The following CFAP251 variants were observed in gnomAD, a reference collection of about 807,000 sequenced individuals.
CFAP251 encodes the protein cilia and flagella associated protein 251, also known as cilia- and flagella-associated protein 251.
CFAP251 carries 93 observed loss-of-function variants against 126.7 expected under a neutral mutation model. The ratio of observed to expected loss-of-function variants is 0.73; its 90% CI spans 0.62 to 0.87. CFAP251 has a LOEUF of 0.87. Ranked by LOEUF, CFAP251 falls within the 40% of genes least tolerant of loss-of-function variation. The pLI is 0.00. For synonymous variants in CFAP251, 503 were observed against 506.9 expected (o/e 0.99, Z 0.10); for missense variants, 1,287 against 1,389.2 (o/e 0.93, Z 1.17).
At chr12:121,957,618 G>GGTGT (rs972209106) in intron 11 of CFAP251, among the ~76,000 whole-genome samples, 3 of 151,494 alleles carry the variant, frequency 2.0e-5, no homozygotes, top group Non-Finnish European at 2.9e-5. Context: ...GCAGGAGAAT[G>GGTGT]GTGTGAACCC....
intron 19 of CFAP251, among the ~76,000 whole-genome samples, chr12:121,978,393 CAAAAAAAAAA>C (rs10642280): frequency 2.8e-4 from 12 of 42,120 alleles, no homozygotes; most frequent in Admixed American, 5.8e-4. Context: ...GACTCTGTCT[CAAAAAAAAAA>C]AAAAAAAAAA....
Position 121,923,833 on chromosome 12 carries a change from A to T in CFAP251, c.590A>T (p.Glu197Val), listed in dbSNP as rs758833653. 1 of 1,614,168 alleles carries T rather than the reference A, an allele frequency of 6.2e-7. No individual in the cohort carries two copies. Reference sequence around the variant, plus strand: ...ATGCCCCAAGATGAACTGGGACAAGAAAGAAGGGACTTGGAGCCAGAAAAC... The same window carrying T: ...ATGCCCCAAGATGAACTGGGACAAGTAAGAAGGGACTTGGAGCCAGAAAAC... ...DRMPQDELGQ[E>V]RRDLEPENRE... is the part of the protein sequence containing the mutation. Residue 197 changes from glutamate (E) to valine (V), a missense_variant, in exon 3 of 22, where the codon GAA becomes GTA. Glu to Val is a moderately radical substitution (Grantham distance 121). Coordinates refer to ENST00000288912, the MANE Select transcript of CFAP251 (RefSeq NM_144668.6).
At chr12:121,986,212 G>A (rs536402197) in intron 19 of CFAP251, among the ~76,000 whole-genome samples, 51 of 151,812 alleles carry the variant, frequency 3.4e-4, no homozygotes, top group African/African-American at 1.0e-3. Flanking sequence ...GGCTGGTCTC[G>A]AACTCCTCAC....
At chr12:121,980,912 G>A (rs906008330) in intron 19 of CFAP251, among the ~76,000 whole-genome samples, 7 of 152,206 alleles carry the variant, frequency 4.6e-5, no homozygotes, top group African/African-American at 9.6e-5. Context: ...CCATCCCAGC[G>A]GTGGTCTGAA....
At chr12:121,924,351 A>T (rs1383731399) in intron 3 of CFAP251, among the ~76,000 whole-genome samples, 4 of 150,340 alleles carry the variant, frequency 2.7e-5, no homozygotes, top group Non-Finnish European at 5.9e-5. Context: ...CTGACCTCAG[A>T]TCATCCACCT....
intron 5 of CFAP251, among the ~76,000 whole-genome samples, 196 bp from the exon 6 acceptor site, chr12:121,942,338 C>T (rs1014584174): frequency 6.6e-6 from 1 of 152,082 alleles, no homozygotes; most frequent in Admixed American, 6.5e-5. Context: ...CTCAGCATCG[C>T]TTCCGACGCT....
chr12:121,995,927 C>T (rs1883012609), intron 19 of CFAP251, among the ~76,000 whole-genome samples: 1 of 152,094 alleles, frequency 6.6e-6, no homozygotes, highest in South Asian at 2.1e-4. Flanking sequence ...ATTTTATATG[C>T]ATAGAAAAAA....
intron 19 of CFAP251, among the ~76,000 whole-genome samples, chr12:121,991,409 C>T (rs1340861246): frequency 3.3e-5 from 5 of 152,222 alleles, no homozygotes; most frequent in African/African-American, 7.2e-5. Flanking sequence ...GTATCACCTC[C>T]GTGAACCCCT....
At chr12:121,983,680 C>T (rs1217092832) in intron 19 of CFAP251, among the ~76,000 whole-genome samples, 1 of 151,652 alleles carries the variant, frequency 6.6e-6, no homozygotes, top group Non-Finnish European at 1.5e-5. Flanking sequence ...AGGAGAGTTT[C>T]GGTGCCGCAC....
intron 19 of CFAP251, among the ~76,000 whole-genome samples, chr12:121,978,326 G>A (rs1276255634): frequency 1.4e-4 from 20 of 140,066 alleles, no homozygotes; most frequent in African/African-American, 3.0e-4. Flanking sequence ...CCCGGGAGGC[G>A]GAGCTTACAG....
chr12:121,973,782 G>A (rs566873267), intron 17 of CFAP251, among the ~76,000 whole-genome samples: 4 of 152,180 alleles, frequency 2.6e-5, no homozygotes, highest in Non-Finnish European at 5.9e-5. Context: ...TGGAATGGCC[G>A]TATTTACCCA....
At chr12:121,923,592 G>A (rs1398154680) in intron 2 of CFAP251, 30 bp from the exon 3 acceptor site, 1 of 1,578,858 alleles carries the variant, frequency 6.3e-7, no homozygotes, top group South Asian at 1.2e-5. Flanking sequence ...CAGCACATAT[G>A]GAATCATGAT....
intron 7 of CFAP251, chr12:121,948,305 C>T (rs891267720): frequency 1.3e-5 from 2 of 152,160 alleles, no homozygotes; most frequent in African/African-American, 4.8e-5. Context: ...GAAATGTATA[C>T]GCAGCAGTCT....
At chr12:121,941,677 A>T (rs943117957) in intron 5 of CFAP251, among the ~76,000 whole-genome samples, 1 of 152,118 alleles carries the variant, frequency 6.6e-6, no homozygotes, top group African/African-American at 2.4e-5. Flanking sequence ...TTTTTAAATA[A>T]TTCATGTATG....
At chr12:121,962,646 C>T (rs113750888) in intron 15 of CFAP251, among the ~76,000 whole-genome samples, 5 of 148,484 alleles carry the variant, frequency 3.4e-5, no homozygotes, top group African/African-American at 1.0e-4. Flanking sequence ...GATGCAATGG[C>T]GTGAACAAGT....
At chr12:121,995,908 T>C (rs1485511560) in intron 19 of CFAP251, among the ~76,000 whole-genome samples, 3 of 152,220 alleles carry the variant, frequency 2.0e-5, no homozygotes, top group African/African-American at 7.2e-5. Context: ...GTAAAAAATA[T>C]GCATGTGTAT....
chr12:121,975,777 G>T (rs1023250726), intron 19 of CFAP251, 92 bp downstream of exon 19: 1 of 1,398,768 alleles, frequency 7.1e-7, no homozygotes, highest in African/African-American at 1.5e-5. Context: ...AGCAAAAATT[G>T]CACATTTTTC....
At chr12:121,988,738 T>A (rs1882808111) in intron 19 of CFAP251, among the ~76,000 whole-genome samples, 1 of 150,990 alleles carries the variant, frequency 6.6e-6, no homozygotes, top group Non-Finnish European at 1.5e-5. Context: ...TTTTTTTTCT[T>A]TTTTTTCTCT....
intron 19 of CFAP251, among the ~76,000 whole-genome samples, chr12:121,996,067 G>A (rs1413613644): frequency 6.6e-6 from 1 of 152,166 alleles, no homozygotes; most frequent in African/African-American, 2.4e-5. Context: ...AGATAGGTTG[G>A]TAGCTTGGCA....
Sources: gnomAD v4.1 joint callset for allele counts (sites outside exome capture counted in the v4.1 genomes callset) on GRCh38, gnomAD v4.1.1 for gene constraint, MANE v1.5 for transcripts, NCBI Gene and HGNC (gene_info 2026-07-23, HGNC 2026-07-21) for gene names.